CHST8: variants seen among roughly 807,000 people sequenced by gnomAD.
CHST8 encodes the protein carbohydrate sulfotransferase 8.
CHST8 carries 10 observed loss-of-function variants against 15.0 expected under a neutral mutation model. The observed-to-expected ratio is 0.67, with a 90% CI of 0.41 to 1.13. The LOEUF (loss-of-function observed/expected upper bound fraction) is 1.13, where lower values mean the gene tolerates loss of function less well. CHST8 is among the 50% of genes most tolerant of loss of function. CHST8 has a pLI of 0.00. For synonymous variants in CHST8, 259 were observed against 256.6 expected (o/e 1.01, Z -0.09); for missense variants, 634 against 608.2 (o/e 1.04, Z -0.45).
chr19:33,689,949 C>A (rs1222706195), intron 3 of CHST8, among the ~76,000 whole-genome samples: 1 of 152,184 alleles, frequency 6.6e-6, no homozygotes, highest in Non-Finnish European at 1.5e-5. Context: ...CTGCTGGGAA[C>A]AGGTGGGATG....
intron 1 of CHST8, among the ~76,000 whole-genome samples, chr19:33,659,059 C>CTTTTTTTTTTTTTTTT (rs71181374): frequency 2.5e-5 from 2 of 78,842 alleles, no homozygotes; most frequent in Non-Finnish European, 4.4e-5. Context: ...TAGGTAATGA[C>CTTTTTTTTTTTTTTTT]TTTTTTTTTT....
intron 3 of CHST8, among the ~76,000 whole-genome samples, chr19:33,741,175 G>A (rs947054504): frequency 1.3e-5 from 2 of 152,122 alleles, no homozygotes; most frequent in Non-Finnish European, 2.9e-5. Context: ...CATGCTCTGA[G>A]GTACCTACAT....
At chr19:33,713,752 G>A (rs527785166) in intron 3 of CHST8, among the ~76,000 whole-genome samples, 60 of 152,188 alleles carry the variant, frequency 3.9e-4, no homozygotes, top group African/African-American at 9.6e-4. Context: ...GTAGCGACAG[G>A]GTTTCACCAT....
chr19:33,730,056 T>C (rs1973967207), intron 3 of CHST8, among the ~76,000 whole-genome samples: 1 of 152,214 alleles, frequency 6.6e-6, no homozygotes. Context: ...AGGACCCTCA[T>C]GTCAGAAATC....
rs200185864 is a variant in CHST8, at chr19:33,764,335, CCT to C, written c.131-7077_131-7076del. ...CTTCACCTCCTTCAGGCTATCCTGC[CCT>C]GTCTTCAGAACATCCAGCTGGGCGT... On this transcript the variant is annotated intron_variant, in intron 3 of 4. Transcript: ENST00000650847. Among the ~76,000 whole-genome samples, 1,086 of 152,226 alleles carry C rather than the reference CCT, an allele frequency of 7.1e-3. 10 individuals carry two copies. Among genetic ancestry groups the C allele is most frequent in the Admixed American group, 0.011 (174 of 15,288 alleles).
At chr19:33,639,397 T>C (rs1305560458) in intron 1 of CHST8, among the ~76,000 whole-genome samples, 1 of 152,014 alleles carries the variant, frequency 6.6e-6, no homozygotes. Flanking sequence ...TGGGATGGTG[T>C]GGGGGCTGCA....
intron 1 of CHST8, among the ~76,000 whole-genome samples, chr19:33,645,995 G>A (rs1028401486): frequency 8.5e-5 from 13 of 152,104 alleles, no homozygotes; most frequent in African/African-American, 3.1e-4. Context: ...GGGCATGCTG[G>A]TACATGCCTG....
At chr19:33,713,529 T>G (rs1973600437) in intron 3 of CHST8, among the ~76,000 whole-genome samples, 1 of 152,120 alleles carries the variant, frequency 6.6e-6, no homozygotes, top group African/African-American at 2.4e-5. Flanking sequence ...TTCTGAGTTA[T>G]GTCCACTGGG....
At chr19:33,673,761 T>A (rs1450627286) in intron 2 of CHST8, among the ~76,000 whole-genome samples, 2 of 152,104 alleles carry the variant, frequency 1.3e-5, no homozygotes, top group Admixed American at 6.5e-5. Flanking sequence ...ACTTTTTTTT[T>A]ATTTTTTATT....
Position 33,660,885 on chromosome 19 carries a change from C to T in CHST8, c.-163-6882C>T, listed in dbSNP as rs547792317. 3.0e-3 allele frequency among the ~76,000 whole-genome samples: 457 copies of T among 152,260 alleles called. 1 individual carries two copies. Among genetic ancestry groups the T allele is most frequent in the Middle Eastern group, 0.02 (6 of 294 alleles). On this transcript the variant is annotated intron_variant, in intron 1 of 4. Coordinates refer to ENST00000650847, the MANE Select transcript of CHST8 (RefSeq NM_001127895.2). ...TTGCTGTCTAACACCATCTGTTTACCTTTAAATTCTTTTCAAGGGTGTGTG... is the reference window on the plus strand; with the variant it reads ...TTGCTGTCTAACACCATCTGTTTACTTTTAAATTCTTTTCAAGGGTGTGTG...
intron 2 of CHST8, among the ~76,000 whole-genome samples, chr19:33,675,819 A>G (rs1013307026): frequency 6.6e-6 from 1 of 152,232 alleles, no homozygotes; most frequent in Admixed American, 6.5e-5. Context: ...CTCTTCCCAG[A>G]GGATTTTTCT....
intron 1 of CHST8, among the ~76,000 whole-genome samples, chr19:33,661,216 G>A (rs1456931230): frequency 1.3e-5 from 2 of 152,174 alleles, no homozygotes; most frequent in South Asian, 2.1e-4. Flanking sequence ...AGTGACCTGT[G>A]GACAAGGGAT....
At chr19:33,663,726 A>G (rs1361901857) in intron 1 of CHST8, among the ~76,000 whole-genome samples, 1 of 152,036 alleles carries the variant, frequency 6.6e-6, no homozygotes, top group Non-Finnish European at 1.5e-5. Flanking sequence ...AAAAATTAGC[A>G]GGACATGGTG....
At chr19:33,756,432 C>T (rs1974548221) in intron 3 of CHST8, among the ~76,000 whole-genome samples, 1 of 152,176 alleles carries the variant, frequency 6.6e-6, no homozygotes, top group South Asian at 2.1e-4. Flanking sequence ...TTCCAGCTGA[C>T]AGCTGCTACC....
Position 33,772,306 on chromosome 19 carries a change from G to A in CHST8, c.518G>A (p.Arg173His). ...ACAKYRASSS[R>H]RAVTPRHVSR... ...GCCAAGTACCGGGCGAGCAGCAGCC[G>A]CCGGGCCGTCACGCCCCGCCACGTG... The change falls in exon 5 of 5, where the codon CGC (arginine) becomes CAC (histidine). Residue 173 changes from arginine (R) to histidine (H), a missense_variant. By Grantham distance (29) the Arg-to-His change is conservative. Coordinates refer to ENST00000650847, the MANE Select transcript of CHST8 (RefSeq NM_001127895.2). The A allele has an allele frequency of 3.7e-6, 6 of 1,603,268 alleles. No individual in the cohort carries two copies. Among genetic ancestry groups the A allele is most frequent in the Non-Finnish European group, 5.1e-6 (6 of 1,179,078 alleles).
intron 3 of CHST8, among the ~76,000 whole-genome samples, chr19:33,702,814 G>A (rs892618492): frequency 5.9e-5 from 9 of 152,356 alleles, no homozygotes; most frequent in African/African-American, 2.2e-4. Context: ...TGCATTGGAG[G>A]GACCGGGGGA....
At chr19:33,638,378 TC>T (rs1477042493) in intron 1 of CHST8, among the ~76,000 whole-genome samples, 3 of 152,162 alleles carry the variant, frequency 2.0e-5, no homozygotes, top group Admixed American at 6.5e-5. Context: ...GCACAAAGCC[TC>T]GTGGGTTTTC....
At chr19:33,647,782 G>C (rs183261730) in intron 1 of CHST8, among the ~76,000 whole-genome samples, 74 of 152,120 alleles carry the variant, frequency 4.9e-4, no homozygotes, top group African/African-American at 1.7e-3. Flanking sequence ...GGAGGCGGAG[G>C]TTGCAGTGAG....
chr19:33,682,193 T>G (rs1026134993), intron 2 of CHST8, among the ~76,000 whole-genome samples: 3 of 143,536 alleles, frequency 2.1e-5, no homozygotes, highest in African/African-American at 7.8e-5. Flanking sequence ...TGTTGTTTTT[T>G]TTTTTTTTTT....
Sources: allele counts gnomAD v4.1 joint callset (sites outside exome capture counted in the v4.1 genomes callset), GRCh38; gene constraint gnomAD v4.1.1; transcripts MANE v1.5; gene names NCBI Gene and HGNC (gene_info 2026-07-23, HGNC 2026-07-21).